PTPRD: variants seen among roughly 807,000 people sequenced by gnomAD.
The protein encoded by PTPRD is protein tyrosine phosphatase receptor type D, also known as receptor-type tyrosine-protein phosphatase delta.
Under a neutral mutation model 214.5 loss-of-function variants are expected in PTPRD, and 34 were observed. The ratio of observed to expected loss-of-function variants is 0.16; its 90% confidence interval spans 0.12 to 0.21. PTPRD has a LOEUF of 0.21. Among genes scored for constraint, PTPRD ranks in the 10% least tolerant of loss-of-function variants. PTPRD has a pLI of 1.00. For missense variants in PTPRD, 2,545 were observed against 2,398.7 expected (o/e 1.06, Z -1.27); for synonymous variants, 1,128 against 845.7 (o/e 1.33, Z -5.79).
At chr9:8,919,723 G>C (rs542409790) in intron 11 of PTPRD, among the ~76,000 whole-genome samples, 2 of 151,350 alleles carry the variant, frequency 1.3e-5, no homozygotes, top group East Asian at 3.9e-4. Context: ...CTGCAGTCAC[G>C]CATGCATGCA....
chr9:8,724,472 G>C (rs1312636616), intron 12 of PTPRD, among the ~76,000 whole-genome samples: 1 of 152,146 alleles, frequency 6.6e-6, no homozygotes, highest in Non-Finnish European at 1.5e-5. Flanking sequence ...GGCCACTCTG[G>C]CTGGCCTCCC....
chr9:9,724,872 T>C (rs537874979), intron 7 of PTPRD, among the ~76,000 whole-genome samples: 1 of 152,212 alleles, frequency 6.6e-6, no homozygotes, highest in East Asian at 1.9e-4. Context: ...GCAAACTAAC[T>C]TCCAAACTGT....
chr9:9,978,841 T>C (rs2095447868), intron 4 of PTPRD, among the ~76,000 whole-genome samples: 1 of 151,830 alleles, frequency 6.6e-6, no homozygotes, highest in African/African-American at 2.4e-5. Context: ...GTCACACTGA[T>C]GAAAACCAAA....
chr9:10,460,445 T>G (rs1421236802), intron 2 of PTPRD, among the ~76,000 whole-genome samples: 1 of 146,308 alleles, frequency 6.8e-6, no homozygotes, highest in Non-Finnish European at 1.5e-5. Flanking sequence ...AAAAAAAAAG[T>G]TGAAAACATC....
chr9:9,591,341 T>A (rs1167098010), intron 7 of PTPRD, among the ~76,000 whole-genome samples: 2 of 151,850 alleles, frequency 1.3e-5, no homozygotes, highest in Non-Finnish European at 2.9e-5. Context: ...AGAAAATGGA[T>A]CTGTGTCCTA....
intron 10 of PTPRD, among the ~76,000 whole-genome samples, chr9:9,140,661 C>A (rs753908126): frequency 1.3e-5 from 2 of 152,240 alleles, no homozygotes; most frequent in Non-Finnish European, 2.9e-5. Flanking sequence ...TCACTGCAGG[C>A]TTCGCCTCCC....
chr9:10,429,591 T>G (rs1032678080), intron 2 of PTPRD, among the ~76,000 whole-genome samples: 1 of 151,756 alleles, frequency 6.6e-6, no homozygotes, highest in Non-Finnish European at 1.5e-5. Flanking sequence ...AGAAAAAATA[T>G]CGCATGTTCT....
intron 6 of PTPRD, among the ~76,000 whole-genome samples, chr9:9,745,097 C>G (rs1212733287): frequency 6.6e-6 from 1 of 151,942 alleles, no homozygotes; most frequent in East Asian, 1.9e-4. Flanking sequence ...TGAAAAGTAA[C>G]TTAATTATTA....
At chr9:10,484,802 C>A (rs565493699) in intron 2 of PTPRD, among the ~76,000 whole-genome samples, 1 of 151,936 alleles carries the variant, frequency 6.6e-6, no homozygotes. Context: ...CAAATATTTT[C>A]TCTTATTCTG....
chr9:8,974,371 C>G, intron 11 of PTPRD, among the ~76,000 whole-genome samples: 1 of 151,938 alleles, frequency 6.6e-6, no homozygotes, highest in East Asian at 1.9e-4. Context: ...TACTAGTGTA[C>G]CAACTCTTGG....
intron 3 of PTPRD, among the ~76,000 whole-genome samples, chr9:10,104,597 A>G (rs2098605165): frequency 6.6e-6 from 1 of 151,842 alleles, no homozygotes; most frequent in Non-Finnish European, 1.5e-5. Flanking sequence ...TTACATTAGA[A>G]TGCAATTTGT....
At chr9:9,577,681 T>G in intron 7 of PTPRD, among the ~76,000 whole-genome samples, 1 of 152,148 alleles carries the variant, frequency 6.6e-6, no homozygotes, top group East Asian at 1.9e-4. Flanking sequence ...GTCAGAGACT[T>G]TGACACTAGG....
At chr9:9,133,595 G>C (rs2099846161) in intron 10 of PTPRD, among the ~76,000 whole-genome samples, 1 of 152,156 alleles carries the variant, frequency 6.6e-6, no homozygotes, top group Admixed American at 6.5e-5. Flanking sequence ...CACTTTTGAA[G>C]ACATGGATAC....
At chr9:10,062,909 G>A (rs1477815161) in intron 3 of PTPRD, among the ~76,000 whole-genome samples, 1 of 151,964 alleles carries the variant, frequency 6.6e-6, no homozygotes, top group Non-Finnish European at 1.5e-5. Flanking sequence ...AATTAGTTGA[G>A]ACAACATGAG....
intron 11 of PTPRD, among the ~76,000 whole-genome samples, chr9:8,978,039 G>C (rs903204803): frequency 2.6e-5 from 4 of 152,066 alleles, no homozygotes; most frequent in African/African-American, 9.7e-5. Context: ...TGTTGGCAGG[G>C]AGAAGAAAGA....
chr9:9,247,992 C>G (rs1266974202), intron 9 of PTPRD, among the ~76,000 whole-genome samples: 2 of 151,988 alleles, frequency 1.3e-5, no homozygotes, highest in Admixed American at 6.6e-5. Context: ...AATCTGTGTT[C>G]ATGATTCTCT....
At chr9:8,781,003 T>C (rs1355776260) in intron 11 of PTPRD, among the ~76,000 whole-genome samples, 1 of 152,232 alleles carries the variant, frequency 6.6e-6, no homozygotes, top group Non-Finnish European at 1.5e-5. Context: ...TATTACACTC[T>C]GAAGAAATCT....
chr9:9,998,471 G>A (rs977857321), intron 4 of PTPRD, among the ~76,000 whole-genome samples: 5 of 151,888 alleles, frequency 3.3e-5, no homozygotes, highest in African/African-American at 1.2e-4. Flanking sequence ...GACCTTAAGG[G>A]GCATCTCAAG....
chr9:9,804,204 C>T (rs551148027), intron 5 of PTPRD, among the ~76,000 whole-genome samples: 2 of 152,192 alleles, frequency 1.3e-5, no homozygotes, highest in East Asian at 3.9e-4. Context: ...TCACATAGGG[C>T]TCTTTTAGCT....
Sources: allele counts gnomAD v4.1 joint callset (sites outside exome capture counted in the v4.1 genomes callset), GRCh38; gene constraint gnomAD v4.1.1; transcripts MANE v1.5; gene names NCBI Gene and HGNC (gene_info 2026-07-23, HGNC 2026-07-21).